The following TMEM242 variants were observed in gnomAD, a reference collection of about 807,000 sequenced individuals.
The protein encoded by TMEM242 is transmembrane protein 242.
In TMEM242, 10 loss-of-function variants were observed where a neutral mutation model predicts 18.2. The ratio of observed to expected loss-of-function variants is 0.55; its 90% confidence interval spans 0.34 to 0.93. The LOEUF is 0.93. Ranked by LOEUF, TMEM242 falls within the 40% of genes least tolerant of loss-of-function variation. TMEM242 has a pLI of 0.02. For missense variants in TMEM242, 186 were observed against 175.5 expected (o/e 1.06, Z -0.34); for synonymous variants, 57 against 69.9 (o/e 0.81, Z 0.92).
At chr6:157,304,162 G>A (rs797026675) in intron 3 of TMEM242, among the ~76,000 whole-genome samples, 8 of 152,180 alleles carry the variant, frequency 5.3e-5, no homozygotes, top group African/African-American at 1.9e-4. Context: ...AACATGGAAA[G>A]CAAAGAAATT....
intron 3 of TMEM242, among the ~76,000 whole-genome samples, chr6:157,296,173 T>C (rs1204487897): frequency 6.6e-6 from 1 of 152,224 alleles, no homozygotes. Context: ...GCTACTGCCA[T>C]AGAACTGACT....
intron 3 of TMEM242, among the ~76,000 whole-genome samples, chr6:157,312,568 A>ACCTAGCCTCATCATAGTGTGCCACTGTG (rs1778199525): frequency 9.4e-5 from 3 of 31,974 alleles, no homozygotes; most frequent in African/African-American, 2.4e-4. Context: ...GCCCCAGTGT[A>ACCTAGCCTCATCATAGTGTGCCACTGTG]CGCTCACCCG....
At chr6:157,303,513 A>G (rs1777859934) in intron 3 of TMEM242, among the ~76,000 whole-genome samples, 1 of 152,282 alleles carries the variant, frequency 6.6e-6, no homozygotes, top group Non-Finnish European at 1.5e-5. Context: ...AATCTATTAC[A>G]GTGTTAGAAA....
At chr6:157,312,919 G>A (rs1554249515) in intron 3 of TMEM242, among the ~76,000 whole-genome samples, 1 of 151,124 alleles carries the variant, frequency 6.6e-6, no homozygotes, top group African/African-American at 2.4e-5. Flanking sequence ...CGCTCACCCG[G>A]CATCATCATA....
intron 3 of TMEM242, among the ~76,000 whole-genome samples, chr6:157,300,469 A>G (rs1554247446): frequency 1.3e-5 from 2 of 152,230 alleles, no homozygotes; most frequent in Non-Finnish European, 1.5e-5. Context: ...CCAAGGAAAA[A>G]TGCTTCTATT....
chr6:157,312,610 C>G (rs797027274), intron 3 of TMEM242, among the ~76,000 whole-genome samples: 1 of 114,492 alleles, frequency 8.7e-6, no homozygotes, highest in South Asian at 3.1e-4. Context: ...GTGCACTCAC[C>G]TAGCCTCACC....
chr6:157,320,351 T>C (rs587618788), intron 2 of TMEM242, among the ~76,000 whole-genome samples: 1 of 152,368 alleles, frequency 6.6e-6, no homozygotes, highest in South Asian at 2.1e-4. Flanking sequence ...TAAATTATAT[T>C]AGTCATTTAA....
At chr6:157,310,523 C>G (rs1583562465) in intron 3 of TMEM242, among the ~76,000 whole-genome samples, 2 of 27,306 alleles carry the variant, frequency 7.3e-5, no homozygotes, top group Admixed American at 6.8e-4. Flanking sequence ...CTCACCTGGC[C>G]TCATCATGGT....
At chr6:157,297,494 G>T (rs1777766492) in intron 3 of TMEM242, among the ~76,000 whole-genome samples, 1 of 152,156 alleles carries the variant, frequency 6.6e-6, no homozygotes, top group African/African-American at 2.4e-5. Flanking sequence ...GCTCTCAAAA[G>T]CTCCTAAAAC....
In TMEM242 at chr6:157,292,938, G is replaced by A. The variant is rs782198912; in HGVS notation, c.389C>T (p.Ser130Leu). The A allele has an allele frequency of 9.3e-6, 15 of 1,613,478 alleles. No individual in the cohort carries two copies. Among genetic ancestry groups the A allele is most frequent in the Non-Finnish European group, 1.3e-5 (15 of 1,179,534 alleles). Residue 130 changes from serine to leucine, a missense_variant, in exon 4 of 4, where the codon TCG (serine) becomes TTG (leucine). Physicochemically the swap from Ser to Leu is moderately radical, Grantham distance 145 (BLOSUM62 -2). Coordinates refer to ENST00000400788, the MANE Select transcript of TMEM242 (RefSeq NM_018452.6). ...IFPTIPKNSE[S>L]AVEWEETLKS... ...CAATGTTTCCTCCCACTCAACAGCC[G>A]ATTCGGAGTTCTTGGGAATTGTTGG...
At chr6:157,301,153 T>C (rs372974905) in intron 3 of TMEM242, among the ~76,000 whole-genome samples, 1 of 152,164 alleles carries the variant, frequency 6.6e-6, no homozygotes. Context: ...GCCCGTGTAA[T>C]GGTTCCTCAA....
At chr6:157,313,648 C>G (rs1279876253) in intron 3 of TMEM242, among the ~76,000 whole-genome samples, 6,730 of 90,392 alleles carry the variant, frequency 0.074, no homozygotes, top group Middle Eastern at 0.13. Context: ...TCACAGTGTC[C>G]CAGTGTGCAT....
At chr6:157,298,868 T>C (rs1476367942) in intron 3 of TMEM242, among the ~76,000 whole-genome samples, 1 of 152,234 alleles carries the variant, frequency 6.6e-6, no homozygotes, top group African/African-American at 2.4e-5. Flanking sequence ...TGTAAATAAG[T>C]ATCACCCAGC....
intron 3 of TMEM242, among the ~76,000 whole-genome samples, chr6:157,311,526 A>ACCT (rs1554248829): frequency 0.024 from 2,025 of 85,148 alleles, 35 homozygotes; most frequent in Middle Eastern, 0.058. Context: ...GTGTGCACTC[A>ACCT]ACCGGCCTCA....
At chr6:157,310,714 G>T (rs945196120) in intron 3 of TMEM242, among the ~76,000 whole-genome samples, 11 of 129,464 alleles carry the variant, frequency 8.5e-5, no homozygotes, top group South Asian at 2.5e-4. Context: ...GCCCCAGTGT[G>T]CACTCAGCTA....
chr6:157,314,189 C>A (rs1778332061), intron 3 of TMEM242, among the ~76,000 whole-genome samples: 1 of 152,112 alleles, frequency 6.6e-6, no homozygotes. Context: ...TCATAGTGTC[C>A]CAGTGTGCGC....
At chr6:157,313,598 AC>A (rs1778288684) in intron 3 of TMEM242, among the ~76,000 whole-genome samples, 1 of 25,546 alleles carries the variant, frequency 3.9e-5, no homozygotes, top group Non-Finnish European at 9.3e-5. Context: ...CGCTCACCTA[AC>A]CCCATCATAG....
At chr6:157,304,248 T>C (rs1271159166) in intron 3 of TMEM242, among the ~76,000 whole-genome samples, 1 of 151,998 alleles carries the variant, frequency 6.6e-6, no homozygotes, top group East Asian at 1.9e-4. Context: ...GGTGGATCAC[T>C]TGAGGTCAGG....
chr6:157,315,005 T>G (rs1554250201), intron 3 of TMEM242, among the ~76,000 whole-genome samples: 1 of 152,228 alleles, frequency 6.6e-6, no homozygotes, highest in African/African-American at 2.4e-5. Context: ...TTACAATTAT[T>G]TAACGCTGGA....
Sources: gnomAD v4.1 joint callset for allele counts (sites outside exome capture counted in the v4.1 genomes callset) on GRCh38, gnomAD v4.1.1 for gene constraint, MANE v1.5 for transcripts, NCBI Gene and HGNC (gene_info 2026-07-23, HGNC 2026-07-21) for gene names.